The following ACOT8 variants were observed in gnomAD, a reference collection of about 807,000 sequenced individuals.
ACOT8 encodes acyl-CoA thioesterase 8.
A neutral mutation model predicts 38.4 loss-of-function variants in ACOT8; 31 were observed. The ratio of observed to expected loss-of-function variants is 0.81; its 90% CI spans 0.61 to 1.09. The LOEUF (loss-of-function observed/expected upper bound fraction) is 1.09, where lower values mean the gene tolerates loss of function less well. Among genes scored for constraint, ACOT8 ranks in the 50% least tolerant of loss-of-function variants. The pLI is 0.00. For missense variants in ACOT8, 373 were observed against 421.8 expected (o/e 0.88, Z 1.01); for synonymous variants, 158 against 170.3 (o/e 0.93, Z 0.56).
chr20:45,844,212 G>T, intron 4 of ACOT8, 51 bp downstream of exon 4: 1 of 1,611,490 alleles, frequency 6.2e-7, no homozygotes, highest in Non-Finnish European at 8.5e-7. Flanking sequence ...CAGCAAATGA[G>T]TGGTAGACCC....
intron 4 of ACOT8, 55 bp downstream of exon 4, chr20:45,844,208 A>G: frequency 6.2e-7 from 1 of 1,608,860 alleles, no homozygotes; most frequent in South Asian, 1.1e-5. Flanking sequence ...CACACAGCAA[A>G]TGAGTGGTAG....
intron 2 of ACOT8, among the ~76,000 whole-genome samples, chr20:45,853,022 G>C (rs1985163521): frequency 6.6e-6 from 1 of 152,208 alleles, no homozygotes; most frequent in African/African-American, 2.4e-5. Flanking sequence ...GCCCGCCTCG[G>C]CTTCCCAAAG....
chr20:45,845,930 C>T (rs368291391), intron 3 of ACOT8, among the ~76,000 whole-genome samples: 10 of 151,966 alleles, frequency 6.6e-5, no homozygotes, highest in African/African-American at 2.4e-4. Context: ...CCCCTGGGTC[C>T]AAGCGACTCT....
Position 45,841,732 on chromosome 20 carries a change from C to A in ACOT8, c.*106G>T, listed in dbSNP as rs879034468. 14 of 1,438,988 alleles carry A rather than the reference C, an allele frequency of 9.7e-6. No individual in the cohort carries two copies. In the South Asian group the frequency reaches 2.1e-4, roughly 21 times the overall value. The allele number at this position is 1,438,988 out of a possible 1,614,324, so 89.1% of individuals were successfully genotyped here. ...TAAAAGCCAGCCACTCCAGTGGTAT[C>A]AGTCTCTTTATTGGATGTGAGGGCC... On this transcript the variant is annotated 3_prime_UTR_variant, in exon 6 of 6. Coordinates refer to ENST00000217455, the MANE Select transcript of ACOT8 (RefSeq NM_005469.4).
intron 1 of ACOT8, 79 bp from the exon 2 acceptor site, chr20:45,855,371 G>T (rs1985347754): frequency 1.3e-6 from 2 of 1,545,654 alleles, no homozygotes; most frequent in East Asian, 2.3e-5. Context: ...TCTAATGCAT[G>T]ATCTCTTCAC....
At chr20:45,849,511 C>T (rs950859844) in intron 2 of ACOT8, among the ~76,000 whole-genome samples, 2 of 150,170 alleles carry the variant, frequency 1.3e-5, no homozygotes, top group Non-Finnish European at 2.9e-5. Context: ...AGTGCAGTGG[C>T]GCTATCTGGG....
chr20:45,853,938 ACT>A (rs1342049251), intron 2 of ACOT8: 8 of 1,304,196 alleles, frequency 6.1e-6, no homozygotes, highest in East Asian at 5.5e-5. Flanking sequence ...AGGTCCACAA[ACT>A]CTTCTCAGCT....
intron 2 of ACOT8, among the ~76,000 whole-genome samples, chr20:45,854,146 G>A (rs576668244): frequency 9.9e-5 from 15 of 150,808 alleles, no homozygotes; most frequent in African/African-American, 3.2e-4. Flanking sequence ...ACAATTCTCC[G>A]CATTGGCCTC....
At chr20:45,854,058 ATTT>A (rs776701364) in intron 2 of ACOT8, 2 of 944,418 alleles carry the variant, frequency 2.1e-6, no homozygotes, top group Admixed American at 6.6e-5. Flanking sequence ...TTTTGCTTTT[ATTT>A]TCCTTTTATT....
intron 2 of ACOT8, among the ~76,000 whole-genome samples, chr20:45,852,416 C>T (rs1463339667): frequency 2.0e-5 from 3 of 151,826 alleles, no homozygotes; most frequent in Non-Finnish European, 4.4e-5. Flanking sequence ...TGACCTCAGC[C>T]GATCTGCCCG....
Position 45,848,488 on chromosome 20 carries a change from C to G in ACOT8, c.450G>C (p.Glu150Asp), listed in dbSNP as rs1440219327. ...FSMPTVPPPE[E>D]LLDCETLIDQ... ...CAATGAGGGTCTCACAGTCAAGCAG[C>G]TCTTCTGGTGGTGGCACAGTGGGCA... is the stretch of plus-strand genomic sequence containing the variant. The change falls in exon 3 of 6, where the codon GAG becomes GAC. Residue 150 changes from glutamate (E) to aspartate (D), a missense_variant. By Grantham distance (45) the Glu-to-Asp change is conservative (BLOSUM62 2). Coordinates refer to ENST00000217455, the MANE Select transcript of ACOT8 (RefSeq NM_005469.4). The G allele has an allele frequency of 1.2e-6, 2 of 1,611,938 alleles. No individual in the cohort carries two copies. Among genetic ancestry groups the G allele is most frequent in the Non-Finnish European group, 8.5e-7 (1 of 1,178,566 alleles).
intron 4 of ACOT8, 51 bp downstream of exon 4, chr20:45,844,212 G>A (rs779507961): frequency 2.3e-4 from 375 of 1,611,372 alleles, no homozygotes; most frequent in Non-Finnish European, 3.1e-4. Context: ...CAGCAAATGA[G>A]TGGTAGACCC....
chr20:45,842,225 T>C, intron 5 of ACOT8: 1 of 1,449,980 alleles, frequency 6.9e-7, no homozygotes, highest in Non-Finnish European at 9.0e-7. Context: ...CTGCTCCAAA[T>C]GCCCCTTCAT....
chr20:45,845,147 G>A (rs886659739), intron 3 of ACOT8, among the ~76,000 whole-genome samples: 1 of 152,128 alleles, frequency 6.6e-6, no homozygotes, highest in Admixed American at 6.6e-5. Flanking sequence ...TGAGTGCGGT[G>A]GTGCAATCTC....
At chr20:45,856,560 G>A (rs1985452906) in intron 1 of ACOT8, among the ~76,000 whole-genome samples, 1 of 152,138 alleles carries the variant, frequency 6.6e-6, no homozygotes, top group African/African-American at 2.4e-5. Flanking sequence ...GCGCCTGTAT[G>A]TCCCAGCTAA....
chr20:45,845,224 G>A (rs6104369), intron 3 of ACOT8, among the ~76,000 whole-genome samples: 5,604 of 152,276 alleles, frequency 0.037, 367 homozygotes, highest in African/African-American at 0.13. Context: ...GAGTAGCTGG[G>A]ATTACAGGCG....
At chr20:45,856,053 C>T (rs1985402330) in intron 1 of ACOT8, among the ~76,000 whole-genome samples, 1 of 152,100 alleles carries the variant, frequency 6.6e-6, no homozygotes, top group African/African-American at 2.4e-5. Flanking sequence ...CGCCTGAGCC[C>T]ATGAGTTCAA....
intron 1 of ACOT8, 71 bp from the exon 2 acceptor site, chr20:45,855,363 T>C: frequency 1.3e-6 from 2 of 1,563,624 alleles, no homozygotes; most frequent in Non-Finnish European, 1.8e-6. Flanking sequence ...ACTAAGACTC[T>C]AATGCATGAT....
chr20:45,843,592 A>G lies in ACOT8; in HGVS notation c.776T>C (p.Met259Thr). 2 of 1,613,430 alleles carry G rather than the reference A, an allele frequency of 1.2e-6. No homozygotes were observed. The highest frequency in any genetic ancestry group is 2.2e-5 in the East Asian group (1 of 44,840). ...VHFMVSLDHS[M>T]WFHAPFRADH... Reference sequence around the variant, plus strand: ...AGCTCGGAAGGGGGCGTGGAACCACATGGAATGGTCCAGTGAGACCATGAA... The same window carrying G: ...AGCTCGGAAGGGGGCGTGGAACCACGTGGAATGGTCCAGTGAGACCATGAA... The change falls in exon 5 of 6, where the codon ATG becomes ACG. Residue 259 changes from methionine to threonine, a missense_variant. Transcript: ENST00000217455.
Sources: gnomAD v4.1 joint callset for allele counts (sites outside exome capture counted in the v4.1 genomes callset) on GRCh38, gnomAD v4.1.1 for gene constraint, MANE v1.5 for transcripts, NCBI Gene and HGNC (gene_info 2026-07-23, HGNC 2026-07-21) for gene names.